The following PCDHA12 variants were observed in gnomAD, a reference collection of about 807,000 sequenced individuals.
PCDHA12 encodes the protein protocadherin alpha-12.
A neutral mutation model predicts 60.0 loss-of-function variants in PCDHA12; 44 were observed. The observed-to-expected ratio is 0.73, with a 90% CI of 0.58 to 0.94. PCDHA12 has a LOEUF of 0.94. PCDHA12 is among the 40% of genes least tolerant of loss of function. The probability of loss-of-function intolerance (pLI) is 0.00; values close to 1 mark genes in which losing one functional copy is unlikely to be tolerated. For missense variants in PCDHA12, 1,276 were observed against 1,239.7 expected, an observed-to-expected ratio of 1.03 and a Z score of -0.44; for synonymous variants, 569 against 553.0, an observed-to-expected ratio of 1.03 and a Z score of -0.40.
At chr5:140,944,839 G>C (rs1449491788) in intron 1 of PCDHA12, among the ~76,000 whole-genome samples, 3 of 152,130 alleles carry the variant, frequency 2.0e-5, no homozygotes, top group African/African-American at 7.2e-5. Flanking sequence ...TGTAAAATGA[G>C]ATATTAGAAT....
chr5:140,928,744 C>T (rs143875858), intron 1 of PCDHA12: 3 of 1,614,144 alleles, frequency 1.9e-6, no homozygotes, highest in Admixed American at 3.3e-5. Context: ...TATAGGTGAG[C>T]TCCGTACTGC....
intron 1 of PCDHA12, among the ~76,000 whole-genome samples, chr5:140,921,749 A>G (rs1366376226): frequency 6.6e-6 from 1 of 152,196 alleles, no homozygotes; most frequent in Non-Finnish European, 1.5e-5. Context: ...GCATAACAGG[A>G]CACTTCTTGG....
Position 140,876,292 on chromosome 5 carries a change from A to G in PCDHA12, c.820A>G (p.Asn274Asp). Residue 274 changes from asparagine to aspartate, a missense_variant, in exon 1 of 4, where the codon AAT (asparagine) becomes GAT (aspartate). By Grantham distance (23) the Asn-to-Asp change is conservative (BLOSUM62 1). Transcript: ENST00000398631. Reference protein sequence around the residue: ...LNASDPDEGLNGEISYGIKMI... With the variant: ...LNASDPDEGLDGEISYGIKMI... ...TGCTTCCGATCCAGACGAAGGACTT[A>G]ATGGAGAAATTTCCTATGGGATCAA... 1 of 1,614,080 alleles carries G rather than the reference A, an allele frequency of 6.2e-7. No individual in the cohort carries two copies. Among genetic ancestry groups the G allele is most frequent in the Non-Finnish European group, 8.5e-7 (1 of 1,179,898 alleles).
intron 1 of PCDHA12, among the ~76,000 whole-genome samples, chr5:140,964,979 G>A (rs1325298604): frequency 1.3e-5 from 2 of 152,204 alleles, no homozygotes; most frequent in African/African-American, 4.8e-5. Flanking sequence ...GGATGTGCTA[G>A]TTCAGGCCTT....
In PCDHA12 at chr5:140,902,128, A is replaced by G. The variant is rs140093707; in HGVS notation, c.2367+24289A>G. 5.8e-3 allele frequency among the ~76,000 whole-genome samples: 872 copies of G among 150,980 alleles called. 10 individuals carry two copies. The highest frequency in any genetic ancestry group is 0.019 in the African/African-American group (793 of 41,220). ...ATTTTTTTAAAACTGAGATTATATCATCTGCAAACAAGGATAATTTGATTT... is the reference window on the plus strand; with the variant it reads ...ATTTTTTTAAAACTGAGATTATATCGTCTGCAAACAAGGATAATTTGATTT... On this transcript the variant is annotated intron_variant, in intron 1 of 3. Coordinates refer to ENST00000398631, the MANE Select transcript of PCDHA12 (RefSeq NM_018903.4).
At position 140,967,456 on chromosome 5, in the gene PCDHA12, G is replaced by A. The variant is rs781877104; in HGVS notation, c.2368-11493G>A. On this transcript the variant is annotated intron_variant, in intron 1 of 3. Transcript: ENST00000398631. The stretch of plus-strand genomic sequence containing the variant: ...TGCACCACCTGGTTCTCACAGCCGT[G>A]GATGGGGGCATCCCAGCCCGCTCGG... 4.3e-6 allele frequency: 7 copies of A among 1,613,480 alleles called. No homozygotes were observed. The South Asian group carries it at 6.6e-5, about 15-fold the overall frequency.
intron 1 of PCDHA12, among the ~76,000 whole-genome samples, chr5:140,891,825 G>T (rs2153435686): frequency 6.6e-6 from 1 of 152,302 alleles, no homozygotes; most frequent in East Asian, 1.9e-4. Flanking sequence ...TAACGGCACT[G>T]TAAAAGGACT....
At chr5:140,987,429 G>A (rs1402576200) in intron 3 of PCDHA12, among the ~76,000 whole-genome samples, 1 of 152,096 alleles carries the variant, frequency 6.6e-6, no homozygotes, top group Non-Finnish European at 1.5e-5. Context: ...GAAGCAGGGG[G>A]CCTTTCCCCA....
chr5:140,881,463 T>C, intron 1 of PCDHA12: 1 of 599,796 alleles, frequency 1.7e-6, no homozygotes, highest in Non-Finnish European at 2.1e-6. Flanking sequence ...CCTTAGAGCA[T>C]TGTTGTGGCT....
chr5:140,999,459 T>C (rs2097858774), intron 3 of PCDHA12, among the ~76,000 whole-genome samples: 1 of 152,138 alleles, frequency 6.6e-6, no homozygotes, highest in Non-Finnish European at 1.5e-5. Flanking sequence ...AACGAATAAG[T>C]GGTGAAGCAG....
At chr5:140,927,470 G>T in intron 1 of PCDHA12, 3 of 1,614,054 alleles carry the variant, frequency 1.9e-6, no homozygotes, top group South Asian at 2.2e-5. Flanking sequence ...GCACTGGATC[G>T]CGAACAGCGC....
intron 1 of PCDHA12, among the ~76,000 whole-genome samples, chr5:140,906,402 A>G (rs1378425113): frequency 1.3e-5 from 2 of 152,268 alleles, no homozygotes; most frequent in African/African-American, 4.8e-5. Flanking sequence ...AAATTTTCAT[A>G]TGAAGTCAAT....
chr5:140,967,084 TC>T, intron 1 of PCDHA12: 2 of 1,613,270 alleles, frequency 1.2e-6, no homozygotes, highest in African/African-American at 2.7e-5. Flanking sequence ...AGCGCATTGA[TC>T]GGGAGGCGCT....
intron 1 of PCDHA12, among the ~76,000 whole-genome samples, chr5:140,951,653 C>T (rs2094610729): frequency 6.6e-6 from 1 of 152,176 alleles, no homozygotes; most frequent in South Asian, 2.1e-4. Context: ...TCACCTCCCA[C>T]CAGGGCCTGC....
intron 1 of PCDHA12, among the ~76,000 whole-genome samples, chr5:140,963,607 G>A (rs558578531): frequency 2.0e-5 from 3 of 152,306 alleles, no homozygotes; most frequent in Non-Finnish European, 4.4e-5. Context: ...GACGTAATTG[G>A]GAAAGCTTAA....
At position 140,876,515 on chromosome 5, in the gene PCDHA12, C is replaced by G. The variant is rs782705478; in HGVS notation, c.1043C>G (p.Pro348Arg). The change falls in exon 1 of 4, where the codon CCT becomes CGT. Residue 348 changes from proline (P) to arginine (R), a missense_variant. By Grantham distance (103) the Pro-to-Arg change is moderately radical. Transcript: ENST00000398631. Reference protein sequence around the residue: ...VEVLDVNDNVPEVMVTSLSLP... With the variant: ...VEVLDVNDNVREVMVTSLSLP... ...GTTCTGGACGTGAATGACAATGTCCCTGAAGTAATGGTTACTTCACTGTCG... is the reference window on the plus strand; with the variant it reads ...GTTCTGGACGTGAATGACAATGTCCGTGAAGTAATGGTTACTTCACTGTCG... 4 of 1,613,960 alleles carry G rather than the reference C, an allele frequency of 2.5e-6. No homozygotes were observed. The highest frequency in any genetic ancestry group is 3.4e-6 in the Non-Finnish European group (4 of 1,179,954).
rs781928314 is a variant in PCDHA12 at position 140,876,618 on chromosome 5, T to A, written c.1146T>A (p.Asn382Lys). Residue 382 changes from asparagine to lysine, a missense_variant, in exon 1 of 4, where the codon AAT (asparagine) becomes AAA (lysine). By Grantham distance (94) the Asn-to-Lys change is moderately conservative (BLOSUM62 0). Coordinates refer to ENST00000398631, the MANE Select transcript of PCDHA12 (RefSeq NM_018903.4). ...TGTCGGATCGTGACTCTGGAGCCAA[T>A]GGACAGGTCATCTGCTCACTGACAC... is the stretch of plus-strand genomic sequence containing the variant. The part of the protein sequence containing the change: ...ISVSDRDSGA[N>K]GQVICSLTPH... 3.7e-6 allele frequency: 6 copies of A among 1,614,074 alleles called. No homozygotes were observed. The South Asian group carries it at 4.4e-5, about 12-fold the overall frequency.
At chr5:140,880,737 G>T (rs139077188) in intron 1 of PCDHA12, among the ~76,000 whole-genome samples, 1 of 152,304 alleles carries the variant, frequency 6.6e-6, no homozygotes, top group Non-Finnish European at 1.5e-5. Flanking sequence ...TAGAGAAAAT[G>T]GATTGTCAGT....
At chr5:140,883,538 G>A (rs782240531) in intron 1 of PCDHA12, 1 of 1,614,230 alleles carries the variant, frequency 6.2e-7, no homozygotes, top group Admixed American at 1.7e-5. Flanking sequence ...CTATGAACTG[G>A]TGGTGACCGC....
Sources: gnomAD v4.1 joint callset for allele counts (sites outside exome capture counted in the v4.1 genomes callset) on GRCh38, gnomAD v4.1.1 for gene constraint, MANE v1.5 for transcripts, NCBI Gene and HGNC (gene_info 2026-07-23, HGNC 2026-07-21) for gene names.